Variants in DCLK1 observed in about 807,000 individuals in gnomAD.
DCLK1 encodes the protein doublecortin like kinase 1.
A neutral mutation model predicts 86.2 loss-of-function variants in DCLK1; 16 were observed. That is an observed-to-expected ratio of 0.19 (90% CI 0.13 to 0.28). The LOEUF is 0.28. Ranked by LOEUF, DCLK1 falls within the 10% of genes least tolerant of loss-of-function variation. The pLI, the probability that DCLK1 is intolerant of heterozygous loss-of-function variation, is 1.00. For missense variants in DCLK1, 590 were observed against 940.2 expected (o/e 0.63, Z 4.87); for synonymous variants, 369 against 370.5 (o/e 1.00, Z 0.05).
At chr13:35,934,056 A>G (rs1876618167) in intron 4 of DCLK1, among the ~76,000 whole-genome samples, 1 of 152,140 alleles carries the variant, frequency 6.6e-6, no homozygotes, top group African/African-American at 2.4e-5. Context: ...TCAAGTTCAA[A>G]GCTCTGTAAA....
intron 5 of DCLK1, among the ~76,000 whole-genome samples, chr13:35,868,179 C>T (rs1158976145): frequency 1.1e-4 from 16 of 151,920 alleles, no homozygotes; most frequent in African/African-American, 2.9e-4. Context: ...CCTGCCACCA[C>T]GCCCGGCTAA....
At chr13:35,951,210 C>T (rs1877656220) in intron 3 of DCLK1, among the ~76,000 whole-genome samples, 1 of 151,368 alleles carries the variant, frequency 6.6e-6, no homozygotes, top group Admixed American at 6.6e-5. Context: ...GACATGGTGC[C>T]TGATACTTAA....
intron 4 of DCLK1, among the ~76,000 whole-genome samples, chr13:35,943,296 C>T (rs1877188859): frequency 1.3e-5 from 2 of 152,250 alleles, no homozygotes; most frequent in Admixed American, 6.5e-5. Flanking sequence ...ACGGATTCTT[C>T]CCTAGAGCCT....
intron 11 of DCLK1, 135 bp from the exon 12 acceptor site, chr13:35,811,103 G>T: frequency 9.4e-7 from 1 of 1,059,966 alleles, no homozygotes. Flanking sequence ...TGCAAGAATG[G>T]ATATACATAC....
chr13:35,955,043 T>C (rs1211435179), intron 3 of DCLK1, among the ~76,000 whole-genome samples: 1 of 152,148 alleles, frequency 6.6e-6, no homozygotes, highest in Non-Finnish European at 1.5e-5. Context: ...GCTGCTGTAG[T>C]TGACATGGAC....
intron 6 of DCLK1, chr13:35,847,407 C>T (rs1870259706): frequency 1.0e-6 from 1 of 984,794 alleles, no homozygotes; most frequent in Non-Finnish European, 1.2e-6. Context: ...ATGGTTTATA[C>T]ACATACACAG....
rs183957648 is a variant in DCLK1 at position 35,947,343 on chromosome 13, T to C, written c.823+15A>G. ...CCTCAAATTTCCCCTGGTTTTGAACTTTTTTTTTCCTTACCACTTTCATCT... is the reference window on the plus strand; with the variant it reads ...CCTCAAATTTCCCCTGGTTTTGAACCTTTTTTTTCCTTACCACTTTCATCT... On this transcript the variant is annotated intron_variant, in intron 4 of 16. Transcript: ENST00000360631. The C allele has an allele frequency of 1.6e-5, 26 of 1,585,250 alleles. No individual in the cohort carries two copies. The African/African-American group carries it at 3.4e-4, about 21-fold the overall frequency.
intron 3 of DCLK1, among the ~76,000 whole-genome samples, chr13:36,078,517 C>T (rs1335451748): frequency 2.0e-5 from 3 of 152,102 alleles, no homozygotes; most frequent in Non-Finnish European, 2.9e-5. Flanking sequence ...ATTTCAGCTA[C>T]CAGAAAGCCA....
intron 16 of DCLK1, among the ~76,000 whole-genome samples, chr13:35,793,085 G>C (rs938093101): frequency 6.6e-5 from 10 of 152,130 alleles, no homozygotes; most frequent in African/African-American, 2.4e-4. Flanking sequence ...ACAGAGTCCA[G>C]CATGGGGGAG....
intron 16 of DCLK1, among the ~76,000 whole-genome samples, chr13:35,786,757 C>T (rs55909293): frequency 0.15 from 22,951 of 152,140 alleles, 2,149 homozygotes; most frequent in East Asian, 0.38. Flanking sequence ...ACCCTTCTCC[C>T]TCCAAAATAA....
intron 5 of DCLK1, among the ~76,000 whole-genome samples, 158 bp from the exon 6 acceptor site, chr13:35,854,751 T>C (rs1317983108): frequency 6.6e-6 from 1 of 152,224 alleles, no homozygotes; most frequent in Non-Finnish European, 1.5e-5. Flanking sequence ...TTTGGGGAAG[T>C]AACCTTCAGA....
At chr13:35,917,826 GA>G (rs1875521706) in intron 4 of DCLK1, among the ~76,000 whole-genome samples, 2 of 149,822 alleles carry the variant, frequency 1.3e-5, no homozygotes, top group African/African-American at 4.8e-5. Context: ...GCAGGGCGGG[GA>G]GGCCTCCAGT....
chr13:36,053,238 C>A (rs963815971), intron 3 of DCLK1, among the ~76,000 whole-genome samples: 1 of 152,180 alleles, frequency 6.6e-6, no homozygotes, highest in African/African-American at 2.4e-5. Flanking sequence ...AGGTACTAGG[C>A]GGCCACTGGA....
chr13:35,890,630 T>C (rs1873585728), intron 4 of DCLK1, among the ~76,000 whole-genome samples: 1 of 152,168 alleles, frequency 6.6e-6, no homozygotes, highest in Admixed American at 6.6e-5. Flanking sequence ...GACTGACGTG[T>C]CTTTAAAATT....
At chr13:35,788,188 C>T in intron 16 of DCLK1, 2 of 1,611,652 alleles carry the variant, frequency 1.2e-6, no homozygotes, top group Non-Finnish European at 1.7e-6. Context: ...GAAACACTGA[C>T]TGTTGAGCTG....
At chr13:35,898,370 T>C (rs188068570) in intron 4 of DCLK1, among the ~76,000 whole-genome samples, 1 of 152,360 alleles carries the variant, frequency 6.6e-6, no homozygotes, top group East Asian at 1.9e-4. Flanking sequence ...CTTGGAAAGA[T>C]ATTTAATGAA....
At position 35,795,381 on chromosome 13, in the gene DCLK1, T is replaced by C. The variant is rs561197276; in HGVS notation, c.1945-1902A>G. On this transcript the variant is annotated intron_variant, in intron 15 of 16. Coordinates refer to ENST00000360631, the MANE Select transcript of DCLK1 (RefSeq NM_001330071.2). ...TGGCCATAAATGAATACCCAAAAGA[T>C]CCCAGAATTGAAGCCTTCATCTCCA... 2.6e-5 allele frequency among the ~76,000 whole-genome samples: 4 copies of C among 152,236 alleles called. No homozygotes were observed. The South Asian group carries it at 8.3e-4, about 32-fold the overall frequency.
intron 4 of DCLK1, among the ~76,000 whole-genome samples, chr13:35,946,742 C>T (rs1877403722): frequency 6.6e-6 from 1 of 152,152 alleles, no homozygotes; most frequent in African/African-American, 2.4e-5. Flanking sequence ...TTAATAGTAT[C>T]AAAAATATCA....
At chr13:35,803,775 G>C (rs1333367885) in intron 15 of DCLK1, among the ~76,000 whole-genome samples, 1 of 152,170 alleles carries the variant, frequency 6.6e-6, no homozygotes, top group African/African-American at 2.4e-5. Flanking sequence ...CAGAGAAATG[G>C]AACATTTTGT....
Sources: allele counts gnomAD v4.1 joint callset (sites outside exome capture counted in the v4.1 genomes callset), GRCh38; gene constraint gnomAD v4.1.1; transcripts MANE v1.5; gene names NCBI Gene and HGNC (gene_info 2026-07-23, HGNC 2026-07-21).